The following PEX5L variants were observed in gnomAD, a reference collection of about 807,000 sequenced individuals.
PEX5L encodes the protein PEX5-related protein.
Under a neutral mutation model 84.0 loss-of-function variants are expected in PEX5L, and 30 were observed. That is an observed-to-expected ratio of 0.36 (90% CI 0.27 to 0.48). The LOEUF is 0.48. PEX5L is among the 20% of genes least tolerant of loss of function. The pLI, the probability that PEX5L is intolerant of heterozygous loss-of-function variation, is 0.99. For missense variants in PEX5L, 533 were observed against 754.6 expected (o/e 0.71, Z 3.44); for synonymous variants, 270 against 283.1 (o/e 0.95, Z 0.46).
At chr3:179,944,448 G>A (rs1336493025) in intron 2 of PEX5L, among the ~76,000 whole-genome samples, 2 of 152,126 alleles carry the variant, frequency 1.3e-5, no homozygotes, top group South Asian at 2.1e-4. Context: ...TTATGATAAT[G>A]GGGATAAAAA....
At chr3:180,036,440 C>G in intron 1 of PEX5L, 139 bp downstream of exon 1, 2 of 854,014 alleles carry the variant, frequency 2.3e-6, no homozygotes, top group East Asian at 4.9e-5. Flanking sequence ...CAGCACCGGA[C>G]AGAAATGTCA....
At chr3:179,976,391 T>C (rs530837211) in intron 1 of PEX5L, among the ~76,000 whole-genome samples, 1 of 152,222 alleles carries the variant, frequency 6.6e-6, no homozygotes, top group South Asian at 2.1e-4. Context: ...CGTAGGAAGA[T>C]AGTGAGAAAA....
At chr3:179,939,759 C>G (rs1480610199) in intron 2 of PEX5L, among the ~76,000 whole-genome samples, 3 of 152,134 alleles carry the variant, frequency 2.0e-5, no homozygotes, top group African/African-American at 7.2e-5. Flanking sequence ...CTCAGGCCCC[C>G]CCACTGAGTG....
intron 2 of PEX5L, among the ~76,000 whole-genome samples, chr3:179,956,116 G>A (rs1315571208): frequency 6.6e-6 from 1 of 152,128 alleles, no homozygotes; most frequent in Non-Finnish European, 1.5e-5. Flanking sequence ...TTGGGAGATA[G>A]AAGTAGGGAA....
chr3:179,918,069 C>T (rs1248206803), intron 2 of PEX5L, among the ~76,000 whole-genome samples: 6 of 152,124 alleles, frequency 3.9e-5, no homozygotes, highest in Non-Finnish European at 8.8e-5. Context: ...AGAGAGGTTA[C>T]CTGGGAAGAA....
At chr3:179,853,204 C>T (rs1041905385) in intron 8 of PEX5L, among the ~76,000 whole-genome samples, 6 of 152,132 alleles carry the variant, frequency 3.9e-5, no homozygotes, top group Non-Finnish European at 8.8e-5. Flanking sequence ...CAGAATTGAT[C>T]TTATTCAATT....
At chr3:179,833,148 A>C (rs940088337) in intron 8 of PEX5L, among the ~76,000 whole-genome samples, 1 of 152,250 alleles carries the variant, frequency 6.6e-6, no homozygotes, top group Non-Finnish European at 1.5e-5. Flanking sequence ...AATTGCAGTA[A>C]TCTGGGTTTA....
chr3:180,008,356 T>C (rs1789113494), intron 1 of PEX5L, among the ~76,000 whole-genome samples: 1 of 152,224 alleles, frequency 6.6e-6, no homozygotes, highest in Non-Finnish European at 1.5e-5. Context: ...CATATTGCTA[T>C]CGGCATTTTG....
At chr3:179,964,435 A>G (rs1782824494) in intron 2 of PEX5L, among the ~76,000 whole-genome samples, 1 of 152,184 alleles carries the variant, frequency 6.6e-6, no homozygotes, top group Non-Finnish European at 1.5e-5. Flanking sequence ...AACAAAAACA[A>G]AAGTTGACAA....
At position 180,023,408 on chromosome 3, in the gene PEX5L, C is replaced by T. The variant is rs1399584176; in HGVS notation, c.21+13171G>A. On this transcript the variant is annotated intron_variant, in intron 1 of 14. Coordinates refer to ENST00000467460, the MANE Select transcript of PEX5L (RefSeq NM_016559.3). Reference sequence around the variant, plus strand: ...CTTATTTGCAGAATGAGGAGACATACGGCAGCATGCTCCCAAACAGCACGT... The same window carrying T: ...CTTATTTGCAGAATGAGGAGACATATGGCAGCATGCTCCCAAACAGCACGT... Among the ~76,000 whole-genome samples, 12 of 152,136 alleles carry T rather than the reference C, an allele frequency of 7.9e-5. 1 individual carries two copies. The highest frequency in any genetic ancestry group is 5.2e-4 in the Admixed American group (8 of 15,270).
intron 2 of PEX5L, among the ~76,000 whole-genome samples, chr3:179,939,754 GC>G (rs917898631): frequency 9.2e-5 from 14 of 152,166 alleles, no homozygotes; most frequent in East Asian, 1.9e-4. Flanking sequence ...GTGCACTCAG[GC>G]CCCCCCACTG....
At chr3:179,875,270 G>A in intron 6 of PEX5L, 84 bp downstream of exon 6, 1 of 1,310,266 alleles carries the variant, frequency 7.6e-7, no homozygotes, top group African/African-American at 1.5e-5. Context: ...CAAGTATTTG[G>A]ATTGACTTAA....
In PEX5L at chr3:179,797,232, G is replaced by T. The variant is rs1212165941; in HGVS notation, c.*4596C>A. 6.6e-6 allele frequency: 1 copy of T among 152,120 alleles called. No homozygotes were observed. Among genetic ancestry groups the T allele is most frequent in the African/African-American group, 2.4e-5 (1 of 41,428 alleles). 9.4% of individuals were successfully genotyped at this position (152,120 alleles called of 1,614,324 possible). A position where few individuals can be genotyped will look rare whatever the true frequency, so the allele number is the denominator to read the frequency against. The stretch of plus-strand genomic sequence containing the variant: ...CCCAGATTCTTCAGAGGATTAGTTT[G>T]GCACTGGTAACACTGTAGAAACCAG... On this transcript the variant is annotated 3_prime_UTR_variant, in exon 15 of 15. Transcript: ENST00000467460.
intron 8 of PEX5L, among the ~76,000 whole-genome samples, chr3:179,851,818 G>T (rs1386235811): frequency 2.0e-5 from 3 of 152,206 alleles, no homozygotes; most frequent in East Asian, 3.9e-4. Context: ...TCACAAAAAA[G>T]GTTTTCATTC....
chr3:179,940,228 G>A (rs1775696532), intron 2 of PEX5L, among the ~76,000 whole-genome samples: 3 of 152,106 alleles, frequency 2.0e-5, no homozygotes, highest in South Asian at 4.2e-4. Context: ...CATGGATGAG[G>A]AAGGGGTGGA....
Position 179,971,659 on chromosome 3 carries a change from T to C in PEX5L, c.28A>G (p.Lys10Glu), listed in dbSNP as rs1465776183. The change falls in exon 2 of 15, where the codon AAA becomes GAA. Residue 10 changes from lysine (K) to glutamate (E), a missense_variant. This residue lies in a region of PEX5L where 259 missense variants were observed against 301.7 expected (regional missense o/e 0.86). Transcript: ENST00000467460. Reference protein sequence around the residue: MYQGHMQKSKEQGYGKLSSD... With the variant: MYQGHMQKSEEQGYGKLSSD... ...CTTAGTTTTCCATATCCTTGTTCTT[T>C]ACTTTTCTTGTGAAAGAATAATTTT... is the stretch of plus-strand genomic sequence containing the variant. 2.5e-6 allele frequency: 4 copies of C among 1,601,854 alleles called. No homozygotes were observed.
intron 8 of PEX5L, among the ~76,000 whole-genome samples, chr3:179,856,027 C>T (rs1017657512): frequency 6.6e-6 from 1 of 152,212 alleles, no homozygotes; most frequent in African/African-American, 2.4e-5. Flanking sequence ...CGTTGCTTTG[C>T]AACTTGCTAA....
chr3:179,947,288 C>A (rs28375242), intron 2 of PEX5L, among the ~76,000 whole-genome samples: 5,292 of 147,084 alleles, frequency 0.036, 319 homozygotes, highest in African/African-American at 0.12. Context: ...AATACAGTTA[C>A]CATTAATTGA....
intron 1 of PEX5L, among the ~76,000 whole-genome samples, chr3:179,988,316 G>A (rs1272991226): frequency 1.3e-5 from 2 of 151,882 alleles, no homozygotes; most frequent in Non-Finnish European, 2.9e-5. Flanking sequence ...CAGGAGAATC[G>A]CTTGAACCCG....
Sources: allele counts gnomAD v4.1 joint callset (sites outside exome capture counted in the v4.1 genomes callset), GRCh38; gene constraint gnomAD v4.1.1; regional missense constraint gnomAD v4.1.1; transcripts MANE v1.5; gene names NCBI Gene and HGNC (gene_info 2026-07-23, HGNC 2026-07-21).